The following SDCCAG8 variants were observed in gnomAD, a reference collection of about 807,000 sequenced individuals.
SDCCAG8 encodes SHH signaling and ciliogenesis regulator SDCCAG8, also known as serologically defined colon cancer antigen 8.
A neutral mutation model predicts 101.8 loss-of-function variants in SDCCAG8; 74 were observed. The ratio of observed to expected loss-of-function variants is 0.73; its 90% CI spans 0.60 to 0.88. SDCCAG8 has a LOEUF of 0.88. Among genes scored for constraint, SDCCAG8 ranks in the 40% least tolerant of loss-of-function variants. The pLI, the probability that SDCCAG8 is intolerant of heterozygous loss-of-function variation, is 0.00. For synonymous variants in SDCCAG8, 281 were observed against 292.9 expected, an observed-to-expected ratio of 0.96 and a Z score of 0.41; for missense variants, 787 against 822.6, an observed-to-expected ratio of 0.96 and a Z score of 0.53.
chr1:243,324,177 C>T (rs960325177), intron 9 of SDCCAG8, among the ~76,000 whole-genome samples: 1 of 152,180 alleles, frequency 6.6e-6, no homozygotes, highest in Non-Finnish European at 1.5e-5. Context: ...GTCTGAAACT[C>T]TACACAACCA....
chr1:243,302,008 G>A (rs1025988858), intron 6 of SDCCAG8, among the ~76,000 whole-genome samples: 2 of 152,154 alleles, frequency 1.3e-5, no homozygotes, highest in African/African-American at 4.8e-5. Context: ...AGCACTTTGG[G>A]AGGCTGAGGT....
At chr1:243,425,576 C>T (rs528329206) in intron 15 of SDCCAG8, among the ~76,000 whole-genome samples, 8 of 152,196 alleles carry the variant, frequency 5.3e-5, no homozygotes, top group East Asian at 1.9e-4. Flanking sequence ...AACCTGAAAA[C>T]GACTCATAAT....
chr1:243,330,839 T>C (rs896251821), intron 10 of SDCCAG8, 147 bp downstream of exon 10: 4 of 744,734 alleles, frequency 5.4e-6, no homozygotes, highest in African/African-American at 5.4e-5. Context: ...TAATTTAGAA[T>C]TCATAAAAAT....
At chr1:243,320,229 C>T (rs1016062846) in intron 9 of SDCCAG8, among the ~76,000 whole-genome samples, 1 of 152,174 alleles carries the variant, frequency 6.6e-6, no homozygotes, top group Non-Finnish European at 1.5e-5. Context: ...TTCTTTCCCT[C>T]ATTAACACTT....
intron 16 of SDCCAG8, among the ~76,000 whole-genome samples, chr1:243,477,029 CACACAG>C (rs1458182209): frequency 5.0e-4 from 73 of 145,588 alleles, no homozygotes; most frequent in African/African-American, 1.1e-3. Context: ...CACACACACA[CACACAG>C]AGAGAAAGGC....
chr1:243,302,036 T>G (rs529431983), intron 6 of SDCCAG8, among the ~76,000 whole-genome samples: 2 of 152,072 alleles, frequency 1.3e-5, no homozygotes, highest in Admixed American at 6.5e-5. Flanking sequence ...TCACCTGAGG[T>G]CAGGAGTTCA....
intron 13 of SDCCAG8, among the ~76,000 whole-genome samples, chr1:243,388,826 G>A (rs2078494806): frequency 1.3e-5 from 2 of 151,370 alleles, no homozygotes; most frequent in South Asian, 4.2e-4. Flanking sequence ...ACGTGGTGGT[G>A]CGTGCCTGGG....
At chr1:243,288,287 C>T (rs1205495074) in intron 5 of SDCCAG8, among the ~76,000 whole-genome samples, 1 of 151,992 alleles carries the variant, frequency 6.6e-6, no homozygotes, top group East Asian at 1.9e-4. Flanking sequence ...GCCTGGGCAA[C>T]ATAGTGAGAC....
chr1:243,485,178 C>T (rs778560693), intron 16 of SDCCAG8, among the ~76,000 whole-genome samples: 4 of 152,150 alleles, frequency 2.6e-5, no homozygotes, highest in African/African-American at 4.8e-5. Flanking sequence ...GATTTGACTC[C>T]GAGCTTTACC....
chr1:243,298,893 C>T (rs2071226884), intron 6 of SDCCAG8, among the ~76,000 whole-genome samples: 1 of 152,188 alleles, frequency 6.6e-6, no homozygotes, highest in African/African-American at 2.4e-5. Context: ...CAACATTGTT[C>T]TTTATCCTTT....
intron 10 of SDCCAG8, among the ~76,000 whole-genome samples, chr1:243,339,519 T>G (rs1179321030): frequency 6.6e-6 from 1 of 152,230 alleles, no homozygotes; most frequent in Non-Finnish European, 1.5e-5. Flanking sequence ...TTTTTTAGTT[T>G]GTTATTAGTA....
intron 1 of SDCCAG8, among the ~76,000 whole-genome samples, chr1:243,256,889 T>C (rs1184610351): frequency 6.6e-6 from 1 of 152,250 alleles, no homozygotes; most frequent in Non-Finnish European, 1.5e-5. Context: ...ATTACTATTA[T>C]CAAAACCTTA....
chr1:243,318,847 T>G (rs2073498397), intron 9 of SDCCAG8, among the ~76,000 whole-genome samples: 1 of 152,234 alleles, frequency 6.6e-6, no homozygotes, highest in Non-Finnish European at 1.5e-5. Context: ...GTTTTGGCAC[T>G]TACTCTCAGG....
rs760647221 is a variant in SDCCAG8, at chr1:243,286,335, C to G, written c.484C>G (p.Gln162Glu). ...TGTGCTTGAAAACGAAGGGCTCCAG[C>G]AACAGCTAAAATCTCAAAGACAAGA... ...VVVLENEGLQQQLKSQRQEET... is the reference protein window; with the variant it reads ...VVVLENEGLQEQLKSQRQEET... The change falls in exon 5 of 18, where the codon CAA becomes GAA. Residue 162 changes from glutamine (Q) to glutamate (E), a missense_variant. By Grantham distance (29) the Gln-to-Glu change is conservative. Coordinates refer to ENST00000366541, the MANE Select transcript of SDCCAG8 (RefSeq NM_006642.5). 3.1e-6 allele frequency: 5 copies of G among 1,613,844 alleles called. No individual in the cohort carries two copies. In the South Asian group the frequency reaches 4.4e-5, roughly 14 times the overall value.
intron 12 of SDCCAG8, among the ~76,000 whole-genome samples, chr1:243,374,479 A>C (rs1002338542): frequency 6.6e-6 from 1 of 152,112 alleles, no homozygotes; most frequent in African/African-American, 2.4e-5. Context: ...ACCAAGTACT[A>C]AGAATCAGGA....
chr1:243,457,422 G>A (rs2083847605), intron 16 of SDCCAG8, among the ~76,000 whole-genome samples: 1 of 152,152 alleles, frequency 6.6e-6, no homozygotes, highest in Non-Finnish European at 1.5e-5. Context: ...ACTTATAGGA[G>A]CCCTGTAGAA....
chr1:243,285,076 T>C (rs2149283725), intron 4 of SDCCAG8, among the ~76,000 whole-genome samples: 1 of 152,036 alleles, frequency 6.6e-6, no homozygotes, highest in Non-Finnish European at 1.5e-5. Context: ...AGAGATGGGG[T>C]TTCACCGTAT....
At chr1:243,306,765 A>C (rs1484710383) in intron 7 of SDCCAG8, among the ~76,000 whole-genome samples, 2 of 152,146 alleles carry the variant, frequency 1.3e-5, no homozygotes, top group Non-Finnish European at 2.9e-5. Context: ...GGGATAGGGT[A>C]GACGCAGCTC....
intron 16 of SDCCAG8, among the ~76,000 whole-genome samples, chr1:243,461,831 G>T (rs1024688388): frequency 1.3e-5 from 2 of 152,128 alleles, no homozygotes; most frequent in African/African-American, 4.8e-5. Context: ...ATTCTAAGAA[G>T]ATTCACCTCC....
Sources: gnomAD v4.1 joint callset for allele counts (sites outside exome capture counted in the v4.1 genomes callset) on GRCh38, gnomAD v4.1.1 for gene constraint, MANE v1.5 for transcripts, NCBI Gene and HGNC (gene_info 2026-07-23, HGNC 2026-07-21) for gene names.